Variants in MYO5B observed in about 807,000 individuals in gnomAD.
The protein encoded by MYO5B is myosin VB.
A neutral mutation model predicts 229.3 loss-of-function variants in MYO5B; 143 were observed. The ratio of observed to expected loss-of-function variants is 0.62; its 90% CI spans 0.54 to 0.72. The LOEUF is 0.72. Ranked by LOEUF, MYO5B falls within the 30% of genes least tolerant of loss-of-function variation. MYO5B has a pLI of 0.00. For missense variants in MYO5B, 2,321 were observed against 2,331.0 expected, an observed-to-expected ratio of 1.00 and a Z score of 0.09; for synonymous variants, 918 against 885.2, an observed-to-expected ratio of 1.04 and a Z score of -0.66.
chr18:50,176,001 C>T (rs948495331), intron 1 of MYO5B, among the ~76,000 whole-genome samples: 3 of 152,234 alleles, frequency 2.0e-5, no homozygotes, highest in Admixed American at 1.3e-4. Flanking sequence ...GATTATATCT[C>T]CTTTTCCCTA....
At chr18:50,109,156 A>G (rs763775109) in intron 1 of MYO5B, among the ~76,000 whole-genome samples, 9 of 152,202 alleles carry the variant, frequency 5.9e-5, no homozygotes, top group Non-Finnish European at 1.3e-4. Context: ...CCACGATAAG[A>G]AAGTTTCCAG....
chr18:50,158,335 C>G (rs1185190980), intron 1 of MYO5B, among the ~76,000 whole-genome samples: 1 of 152,104 alleles, frequency 6.6e-6, no homozygotes, highest in Non-Finnish European at 1.5e-5. Flanking sequence ...GACCTCAGAA[C>G]CCCTAACCAA....
intron 4 of MYO5B, among the ~76,000 whole-genome samples, chr18:50,024,004 G>A (rs1404666468): frequency 6.6e-6 from 1 of 152,164 alleles, no homozygotes; most frequent in Non-Finnish European, 1.5e-5. Flanking sequence ...ATAAATATAA[G>A]GAAGTAAAAT....
At chr18:50,037,204 T>TAC (rs557642051) in intron 3 of MYO5B, among the ~76,000 whole-genome samples, 2,331 of 149,426 alleles carry the variant, frequency 0.016, 30 homozygotes, top group South Asian at 0.058. Context: ...CATACACACA[T>TAC]ACACACACAC....
chr18:49,988,737 TG>T (rs2025898074), intron 7 of MYO5B, among the ~76,000 whole-genome samples: 1 of 152,170 alleles, frequency 6.6e-6, no homozygotes, highest in Non-Finnish European at 1.5e-5. Flanking sequence ...AGGATGGCAG[TG>T]GCCCCTAATG....
intron 30 of MYO5B, 39 bp from the exon 31 acceptor site, chr18:49,853,686 C>A: frequency 2.5e-6 from 4 of 1,590,640 alleles, no homozygotes; most frequent in Non-Finnish European, 2.6e-6. Context: ...GTGGCCCAGG[C>A]CAGGGCCCCC....
intron 1 of MYO5B, among the ~76,000 whole-genome samples, chr18:50,082,587 C>T (rs1162215344): frequency 6.6e-6 from 1 of 152,188 alleles, no homozygotes; most frequent in Non-Finnish European, 1.5e-5. Context: ...GAGACCCAAT[C>T]CTTCCTACCT....
Position 49,823,053 on chromosome 18 carries a change from C to T in MYO5B, c.*3418G>A, listed in dbSNP as rs1423460581. 5 of 152,304 alleles carry T rather than the reference C, an allele frequency of 3.3e-5. No homozygotes were observed. Among genetic ancestry groups the T allele is most frequent in the African/African-American group, 1.2e-4 (5 of 41,570 alleles). 9.4% of individuals were successfully genotyped at this position (152,304 alleles called of 1,614,324 possible). ...TGGTGGCAAAATGTTATATTCAAAT[C>T]TGGATTATTCTGATACAGTGTCACT... On this transcript the variant is annotated 3_prime_UTR_variant, in exon 40 of 40. Coordinates refer to ENST00000285039, the MANE Select transcript of MYO5B (RefSeq NM_001080467.3).
At chr18:50,167,591 A>C (rs1397679) in intron 1 of MYO5B, among the ~76,000 whole-genome samples, 54,687 of 151,988 alleles carry the variant, frequency 0.36, 9,928 homozygotes, top group Admixed American at 0.41. Flanking sequence ...TGACTCCATG[A>C]AAGGTCATGG....
Position 50,040,157 on chromosome 18 carries a change from A to G in MYO5B, c.296T>C (p.Ile99Thr), listed in dbSNP as rs761593493. 1.4e-5 allele frequency: 22 copies of G among 1,614,138 alleles called. No homozygotes were observed. Among genetic ancestry groups the G allele is most frequent in the African/African-American group, 2.7e-5 (2 of 75,028 alleles). ...CCCCCACTTACCACAGTAAGTGTAG[A>G]TATGGTTGGACTCCAGGAAACGGAC... The part of the protein sequence containing the change: ...LKVRFLESNH[I>T]YTYCGIVLVA... Residue 99 changes from isoleucine (I) to threonine (T), a missense_variant, in exon 3 of 40, where the codon ATC (isoleucine) becomes ACC (threonine). By Grantham distance (89) the Ile-to-Thr change is moderately conservative. This residue lies in a region of MYO5B where 2,113 missense variants were observed against 2,044.7 expected (regional missense o/e 1.03). Transcript: ENST00000285039.
At chr18:50,193,237 C>T (rs2033251967) in intron 1 of MYO5B, among the ~76,000 whole-genome samples, 1 of 152,214 alleles carries the variant, frequency 6.6e-6, no homozygotes, top group South Asian at 2.1e-4. Flanking sequence ...CGTTCCAGGG[C>T]CAGGACTGTC....
Position 49,902,644 on chromosome 18 carries a change from C to G in MYO5B, c.2761G>C (p.Val921Leu). ...RSAEHLKRLN[V>L]GMENKVVQLQ... ...TGGACCACCTTGTTCTCCATGCCCA[C>G]GTTGAGACGTTTCAGATGCTCTGCT... Residue 921 changes from valine to leucine, a missense_variant, in exon 21 of 40, where the codon GTG (valine) becomes CTG (leucine). This residue lies in a region of MYO5B where 2,113 missense variants were observed against 2,044.7 expected (regional missense o/e 1.03). Coordinates refer to ENST00000285039, the MANE Select transcript of MYO5B (RefSeq NM_001080467.3). The G allele has an allele frequency of 6.2e-7, 1 of 1,613,408 alleles. No individual in the cohort carries two copies. The highest frequency in any genetic ancestry group is 8.5e-7 in the Non-Finnish European group (1 of 1,180,032).
intron 1 of MYO5B, among the ~76,000 whole-genome samples, chr18:50,077,498 C>A (rs1261929155): frequency 1.7e-5 from 2 of 116,624 alleles, no homozygotes; most frequent in Non-Finnish European, 3.5e-5. Context: ...CACACACACA[C>A]ACAAACACAC....
intron 1 of MYO5B, among the ~76,000 whole-genome samples, chr18:50,149,035 C>T (rs898005674): frequency 1.3e-5 from 2 of 151,152 alleles, no homozygotes; most frequent in Non-Finnish European, 3.0e-5. Context: ...TCTTATACAC[C>T]AATAACAGAC....
At chr18:49,880,294 G>A (rs1173060812) in intron 23 of MYO5B, 77 bp downstream of exon 23, 1 of 1,235,544 alleles carries the variant, frequency 8.1e-7, no homozygotes, top group African/African-American at 1.5e-5. Context: ...CTGCATGCTT[G>A]CTAGGAGTCT....
chr18:49,940,496 T>G (rs1489611826), intron 14 of MYO5B, among the ~76,000 whole-genome samples: 3 of 152,186 alleles, frequency 2.0e-5, no homozygotes, highest in Non-Finnish European at 4.4e-5. Flanking sequence ...AAACACATGA[T>G]GACCATCCCA....
At chr18:50,051,180 G>T (rs921462795) in intron 2 of MYO5B, among the ~76,000 whole-genome samples, 2 of 152,246 alleles carry the variant, frequency 1.3e-5, no homozygotes, top group South Asian at 4.1e-4. Context: ...AAAAATATGA[G>T]ATTTAAATAA....
rs558799524 is a variant in MYO5B at position 49,981,868 on chromosome 18, C to G, written c.947-1315G>C. On this transcript the variant is annotated intron_variant, in intron 8 of 39. Transcript: ENST00000285039. ...CTGAATACACCTGGTGAAAGGAAGACAGATTAAAGCCAGAGGCTGGTATTC... is the reference window on the plus strand; with the variant it reads ...CTGAATACACCTGGTGAAAGGAAGAGAGATTAAAGCCAGAGGCTGGTATTC... 2.6e-5 allele frequency among the ~76,000 whole-genome samples: 4 copies of G among 152,306 alleles called. No individual in the cohort carries two copies. The East Asian group carries it at 7.7e-4, about 29-fold the overall frequency.
rs3132922 is a variant in MYO5B at position 49,962,732 on chromosome 18, A to G, written c.1404+217T>C. Among the ~76,000 whole-genome samples the G allele has an allele frequency of 1, 152,125 of 152,134 alleles. 76,058 individuals carry two copies. Among genetic ancestry groups the G allele is most frequent in the Middle Eastern group, 1 (294 of 294 alleles). On this transcript the variant is annotated intron_variant, in intron 11 of 39. Coordinates refer to ENST00000285039, the MANE Select transcript of MYO5B (RefSeq NM_001080467.3). ...GGAATGGGAGTCAAAGCCAAAGAGA[A>G]GATCATTTCCCCTCTCAGCACAGTT...
Sources: allele counts gnomAD v4.1 joint callset (sites outside exome capture counted in the v4.1 genomes callset), GRCh38; gene constraint gnomAD v4.1.1; regional missense constraint gnomAD v4.1.1; transcripts MANE v1.5; gene names NCBI Gene and HGNC (gene_info 2026-07-23, HGNC 2026-07-21).